The following TACR1 variants were observed in gnomAD, a reference collection of about 807,000 sequenced individuals.
TACR1 encodes the protein tachykinin receptor 1.
TACR1 carries 25 observed loss-of-function variants against 35.8 expected under a neutral mutation model. That is an observed-to-expected ratio of 0.70 (90% CI 0.51 to 0.98). TACR1 has a LOEUF of 0.98. TACR1 is among the 50% of genes least tolerant of loss of function. The probability of loss-of-function intolerance (pLI) is 0.00; values close to 1 mark genes in which losing one functional copy is unlikely to be tolerated. For missense variants in TACR1, 478 were observed against 522.9 expected (o/e 0.91, Z 0.84); for synonymous variants, 195 against 206.7 (o/e 0.94, Z 0.48).
At chr2:75,101,736 TCAGGAGTTCAAGAC>T (rs1673536699) in intron 2 of TACR1, among the ~76,000 whole-genome samples, 1 of 152,064 alleles carries the variant, frequency 6.6e-6, no homozygotes, top group South Asian at 2.1e-4. Flanking sequence ...TCATTTGGGG[TCAGGAGTTCAAGAC>T]CAGCCTGACC....
chr2:75,189,244 C>A (rs542334843), intron 1 of TACR1: 1 of 152,176 alleles, frequency 6.6e-6, no homozygotes, highest in South Asian at 2.1e-4. Context: ...GCTCAGGTAT[C>A]GAGATGCAGC....
At chr2:75,130,123 A>C (rs546941911) in intron 1 of TACR1, among the ~76,000 whole-genome samples, 6 of 152,312 alleles carry the variant, frequency 3.9e-5, no homozygotes, top group Admixed American at 3.3e-4. Flanking sequence ...TATTGCATTA[A>C]AATATTATTT....
chr2:75,188,413 C>G (rs1197730275), intron 1 of TACR1: 1 of 152,188 alleles, frequency 6.6e-6, no homozygotes, highest in Non-Finnish European at 1.5e-5. Context: ...CAATTATATT[C>G]TATGATAGAG....
rs577921633 is a variant in TACR1, at chr2:75,179,157, A to G, written c.389+19389T>C. 3.3e-5 allele frequency among the ~76,000 whole-genome samples: 5 copies of G among 152,240 alleles called. No homozygotes were observed. In the South Asian group the frequency reaches 8.3e-4, roughly 25 times the overall value. On this transcript the variant is annotated intron_variant, in intron 1 of 4. Transcript: ENST00000305249. Reference sequence around the variant, plus strand: ...ACCTATTTCTTTTCCAGTCTTCCCCATCTCTGTAAATGAAATCAGCATTCT... The same window carrying G: ...ACCTATTTCTTTTCCAGTCTTCCCCGTCTCTGTAAATGAAATCAGCATTCT...
chr2:75,083,622 T>A (rs1673134977), intron 2 of TACR1, among the ~76,000 whole-genome samples: 1 of 152,072 alleles, frequency 6.6e-6, no homozygotes, highest in Non-Finnish European at 1.5e-5. Flanking sequence ...TTTGTAGTTC[T>A]CCTTGAAGAG....
chr2:75,142,707 G>A (rs1015759959), intron 1 of TACR1, among the ~76,000 whole-genome samples: 23 of 152,134 alleles, frequency 1.5e-4, no homozygotes, highest in African/African-American at 5.3e-4. Flanking sequence ...AGGTTAACCA[G>A]CTGGGAGGGA....
At chr2:75,145,829 C>G (rs17010823) in intron 1 of TACR1, among the ~76,000 whole-genome samples, 11,309 of 152,192 alleles carry the variant, frequency 0.074, 872 homozygotes, top group African/African-American at 0.2. Context: ...GTTCTTATTG[C>G]AGATCCAGGT....
chr2:75,086,952 G>A (rs975347374), intron 2 of TACR1, among the ~76,000 whole-genome samples: 2 of 152,122 alleles, frequency 1.3e-5, no homozygotes, highest in African/African-American at 4.8e-5. Context: ...AATCATCACT[G>A]TTTAGACCCA....
At chr2:75,071,125 T>C (rs1672869913) in intron 2 of TACR1, among the ~76,000 whole-genome samples, 3 of 152,216 alleles carry the variant, frequency 2.0e-5, no homozygotes, top group Non-Finnish European at 2.9e-5. Flanking sequence ...GTGGAGTAGC[T>C]GTGGAAGAGA....
chr2:75,068,398 T>TA (rs1034007174), intron 2 of TACR1, among the ~76,000 whole-genome samples: 1 of 152,122 alleles, frequency 6.6e-6, no homozygotes, highest in African/African-American at 2.4e-5. Flanking sequence ...CACAGCAACA[T>TA]ATGGACTAGG....
chr2:75,126,771 G>A (rs1053846865), intron 1 of TACR1, among the ~76,000 whole-genome samples: 1 of 152,138 alleles, frequency 6.6e-6, no homozygotes, highest in African/African-American at 2.4e-5. Context: ...TCCAGCATCT[G>A]TAAGGGACTT....
intron 1 of TACR1, among the ~76,000 whole-genome samples, chr2:75,193,449 C>T (rs998981144): frequency 2.6e-5 from 4 of 152,134 alleles, no homozygotes; most frequent in East Asian, 1.9e-4. Flanking sequence ...AGTTTCTTGT[C>T]GGGCATTCCA....
intron 1 of TACR1, among the ~76,000 whole-genome samples, chr2:75,168,872 G>A (rs1185459319): frequency 6.6e-6 from 1 of 151,904 alleles, no homozygotes; most frequent in Non-Finnish European, 1.5e-5. Flanking sequence ...ATTATTTCTC[G>A]GTGTTGTAAT....
intron 2 of TACR1, among the ~76,000 whole-genome samples, chr2:75,080,282 G>T (rs1028493796): frequency 6.6e-6 from 1 of 152,110 alleles, no homozygotes; most frequent in African/African-American, 2.4e-5. Context: ...CTGGAAAAAG[G>T]TTGGCTCTTC....
intron 1 of TACR1, among the ~76,000 whole-genome samples, chr2:75,156,032 T>C (rs1037437228): frequency 3.0e-4 from 45 of 152,338 alleles, no homozygotes; most frequent in African/African-American, 1.0e-3. Flanking sequence ...CAAATTTCAG[T>C]GTCCATAAGT....
At chr2:75,172,910 C>G (rs890932892) in intron 1 of TACR1, among the ~76,000 whole-genome samples, 9 of 152,084 alleles carry the variant, frequency 5.9e-5, no homozygotes, top group Admixed American at 5.2e-4. Context: ...TGCCTTTCCT[C>G]TATGTGTCCA....
intron 2 of TACR1, among the ~76,000 whole-genome samples, chr2:75,085,138 C>T (rs913615752): frequency 8.5e-5 from 13 of 152,124 alleles, no homozygotes; most frequent in Non-Finnish European, 1.5e-4. Flanking sequence ...TCTTTGTTCT[C>T]GTTGGGAGAA....
At chr2:75,113,808 G>T (rs1292045301) in intron 2 of TACR1, among the ~76,000 whole-genome samples, 1 of 151,906 alleles carries the variant, frequency 6.6e-6, no homozygotes, top group African/African-American at 2.4e-5. Flanking sequence ...TTTGGCCAAG[G>T]CCTAGAGCAG....
intron 2 of TACR1, among the ~76,000 whole-genome samples, chr2:75,063,543 T>C (rs549772826): frequency 1.3e-5 from 2 of 152,372 alleles, no homozygotes; most frequent in South Asian, 2.1e-4. Context: ...GGACCACTTA[T>C]TGGATACTCT....
Sources: gnomAD v4.1 joint callset for allele counts (sites outside exome capture counted in the v4.1 genomes callset) on GRCh38, gnomAD v4.1.1 for gene constraint, MANE v1.5 for transcripts, NCBI Gene and HGNC (gene_info 2026-07-23, HGNC 2026-07-21) for gene names.